Variants in RPIA observed in about 807,000 individuals in gnomAD.
The protein encoded by RPIA is ribose-5-phosphate isomerase.
Under a neutral mutation model 37.8 loss-of-function variants are expected in RPIA, and 29 were observed. The ratio of observed to expected loss-of-function variants is 0.77; its 90% CI spans 0.57 to 1.05. The LOEUF (loss-of-function observed/expected upper bound fraction) is 1.05, where lower values mean the gene tolerates loss of function less well. Among genes scored for constraint, RPIA ranks in the 50% least tolerant of loss-of-function variants. The probability of loss-of-function intolerance (pLI) is 0.00; values close to 1 mark genes in which losing one functional copy is unlikely to be tolerated. For missense variants in RPIA, 385 were observed against 413.6 expected (o/e 0.93, Z 0.60); for synonymous variants, 167 against 157.0 (o/e 1.06, Z -0.48).
At chr2:88,692,353 T>G (rs1573456644) in intron 1 of RPIA, among the ~76,000 whole-genome samples, 1 of 151,598 alleles carries the variant, frequency 6.6e-6, no homozygotes, top group East Asian at 1.9e-4. Flanking sequence ...TGCGGAGAGG[T>G]TTTCATTTCT....
chr2:88,695,459 A>T (rs766699467), intron 1 of RPIA, among the ~76,000 whole-genome samples: 1 of 152,238 alleles, frequency 6.6e-6, no homozygotes, highest in Admixed American at 6.5e-5. Flanking sequence ...ATCCCCATAC[A>T]TTTGATCACA....
chr2:88,708,343 A>T (rs895699350), intron 3 of RPIA, among the ~76,000 whole-genome samples: 1 of 152,208 alleles, frequency 6.6e-6, no homozygotes, highest in South Asian at 2.1e-4. Context: ...GTTTTGCTGC[A>T]CAGCAATTAG....
At chr2:88,704,135 T>A (rs184586493) in intron 3 of RPIA, among the ~76,000 whole-genome samples, 9 of 152,310 alleles carry the variant, frequency 5.9e-5, no homozygotes, top group Admixed American at 5.9e-4. Flanking sequence ...CTTAACCACA[T>A]TTTTCTGTCT....
At chr2:88,729,257 G>A (rs765442781) in intron 3 of RPIA, 21 bp from the exon 4 acceptor site, 2 of 1,613,372 alleles carry the variant, frequency 1.2e-6, no homozygotes, top group East Asian at 4.5e-5. Context: ...GATCGTGGTT[G>A]CTCTTCCCTG....
chr2:88,740,268 C>T lies in RPIA; in HGVS notation c.838+2192C>T, dbSNP rs114281451. ...AAATGTCCTTTGTAAGGAAATTTCC[C>T]TCATATGTGATTCTTCAAAAAAAAG... On this transcript the variant is annotated intron_variant, in intron 8 of 8. Coordinates refer to ENST00000283646, the MANE Select transcript of RPIA (RefSeq NM_144563.3). Among the ~76,000 whole-genome samples the T allele has an allele frequency of 6.5e-3, 982 of 152,140 alleles. 8 individuals carry two copies. The highest frequency in any genetic ancestry group is 0.023 in the African/African-American group (954 of 41,504).
rs1189262213 is a variant in RPIA, at chr2:88,726,505, G to A, written c.403-2773G>A. Among the ~76,000 whole-genome samples the A allele has an allele frequency of 2.0e-5, 3 of 152,144 alleles. No individual in the cohort carries two copies. The East Asian group carries it at 5.8e-4, about 29-fold the overall frequency. ...ATTTAAGGTATATTCATTTGTATAA[G>A]AATAGAGAGGCCCTTGTGCATGGAG... On this transcript the variant is annotated intron_variant, in intron 3 of 8. Transcript: ENST00000283646.
chr2:88,741,236 A>C (rs1018749673), intron 8 of RPIA, among the ~76,000 whole-genome samples: 2 of 152,056 alleles, frequency 1.3e-5, no homozygotes, highest in Non-Finnish European at 2.9e-5. Context: ...CTGAGTCCCC[A>C]GAGTCTGTTG....
At chr2:88,699,974 G>C (rs1402201968) in intron 2 of RPIA, 35 bp from the exon 3 acceptor site, 1 of 1,610,794 alleles carries the variant, frequency 6.2e-7, no homozygotes, top group Non-Finnish European at 8.5e-7. Context: ...AGTAAGGAGA[G>C]TGAAAAACTG....
chr2:88,727,549 C>T (rs181001086), intron 3 of RPIA, among the ~76,000 whole-genome samples: 125 of 152,302 alleles, frequency 8.2e-4, no homozygotes, highest in Non-Finnish European at 1.6e-3. Flanking sequence ...TCCTTCCTCC[C>T]ACCCTCCACC....
At chr2:88,710,975 C>T (rs545844305) in intron 3 of RPIA, among the ~76,000 whole-genome samples, 4 of 152,324 alleles carry the variant, frequency 2.6e-5, no homozygotes, top group East Asian at 1.9e-4. Context: ...GAACGCTAGG[C>T]GACCAGCCTA....
At chr2:88,729,443 T>C in intron 4 of RPIA, 106 bp downstream of exon 4, 1 of 1,165,996 alleles carries the variant, frequency 8.6e-7, no homozygotes, top group Non-Finnish European at 1.3e-6. Context: ...AGGGAAGATG[T>C]CAGTTAGTTG....
chr2:88,729,797 G>C lies in RPIA; in HGVS notation c.462+460G>C, dbSNP rs1356598932. 1.4e-4 allele frequency among the ~76,000 whole-genome samples: 2 copies of C among 13,900 alleles called. 1 individual carries two copies. The highest frequency in any genetic ancestry group is 3.1e-4 in the Non-Finnish European group (2 of 6,454). The allele number at this position is 13,900 out of a possible 152,430, so 9.1% of individuals were successfully genotyped here. A position where few individuals can be genotyped will look rare whatever the true frequency, so the allele number is the denominator to read the frequency against. On this transcript the variant is annotated intron_variant, in intron 4 of 8. Transcript: ENST00000283646. ...CAATGAATCCAGGAGCTGGTTTTTTGAAAGGATCAACAAAATTGATAGACC... is the reference window on the plus strand; with the variant it reads ...CAATGAATCCAGGAGCTGGTTTTTTCAAAGGATCAACAAAATTGATAGACC...
intron 3 of RPIA, among the ~76,000 whole-genome samples, chr2:88,700,402 A>T (rs1454209789): frequency 6.6e-6 from 1 of 152,204 alleles, no homozygotes; most frequent in Non-Finnish European, 1.5e-5. Flanking sequence ...TGTAATCTCA[A>T]GTACTTTGGG....
rs533290865 is a variant in RPIA at position 88,691,707 on chromosome 2, C to T, written c.9C>T (p.Arg3=). 2 of 1,577,636 alleles carry T rather than the reference C, an allele frequency of 1.3e-6. No homozygotes were observed. The highest frequency in any genetic ancestry group is 2.2e-5 in the East Asian group (1 of 44,526). ...CGGAGCGAGGCGTCGGGATGCAGCG[C>T]CCCGGGCCCTTCAGCACCCTCTACG... MQ[R]PGPFSTLYGR... is the part of the protein sequence containing the mutation. Residue 3 remains arginine, a synonymous_variant, in exon 1 of 9, where the codon CGC becomes CGT. Transcript: ENST00000283646.
At position 88,691,834 on chromosome 2, in the gene RPIA, C is replaced by T. The variant is rs1296599207; in HGVS notation, c.136C>T (p.Arg46Cys). The T allele has an allele frequency of 3.1e-6, 5 of 1,598,812 alleles. No homozygotes were observed. Among genetic ancestry groups the T allele is most frequent in the African/African-American group, 1.3e-5 (1 of 74,844 alleles). ...GGGTTCCCACGTGCGGCTGCCGGGG[C>T]GTGCACAGTCTGGGACCCGTGGCGG... ...LPGSHVRLPG[R>C]AQSGTRGGAG... The change falls in exon 1 of 9, where the codon CGT (arginine) becomes TGT (cysteine). Residue 46 changes from arginine (R) to cysteine (C), a missense_variant. By Grantham distance (180) the Arg-to-Cys change is radical. This residue lies in a region of RPIA where 232 missense variants were observed against 203.0 expected (regional missense o/e 1.14). Transcript: ENST00000283646.
At chr2:88,694,990 A>AAAAAAGAAAAAG (rs1553418579) in intron 1 of RPIA, among the ~76,000 whole-genome samples, 16 of 151,352 alleles carry the variant, frequency 1.1e-4, no homozygotes, top group African/African-American at 3.9e-4. Context: ...AAAAAAAAAA[A>AAAAAAGAAAAAG]AAAAAGAAAA....
chr2:88,734,345 G>T (rs907948202), intron 4 of RPIA, among the ~76,000 whole-genome samples: 1 of 152,042 alleles, frequency 6.6e-6, no homozygotes, highest in South Asian at 2.1e-4. Flanking sequence ...ACTGCATCCC[G>T]GTTAGAGTCC....
intron 8 of RPIA, among the ~76,000 whole-genome samples, chr2:88,740,810 T>G (rs931123467): frequency 6.6e-6 from 1 of 152,240 alleles, no homozygotes; most frequent in Non-Finnish European, 1.5e-5. Context: ...TTAAAGCCTT[T>G]TCTGAACCTG....
chr2:88,748,149 G>A (rs1291303475), intron 8 of RPIA, among the ~76,000 whole-genome samples: 1 of 152,182 alleles, frequency 6.6e-6, no homozygotes, highest in African/African-American at 2.4e-5. Context: ...TGGCCTTTGA[G>A]ATAGACTTTC....
Sources: gnomAD v4.1 joint callset for allele counts (sites outside exome capture counted in the v4.1 genomes callset) on GRCh38, gnomAD v4.1.1 for gene constraint, gnomAD v4.1.1 regional missense constraint, MANE v1.5 for transcripts, NCBI Gene and HGNC (gene_info 2026-07-23, HGNC 2026-07-21) for gene names.